PIP4K2A: variants seen among roughly 807,000 people sequenced by gnomAD.
The protein encoded by PIP4K2A is phosphatidylinositol 5-phosphate 4-kinase type-2 alpha.
Under a neutral mutation model 42.9 loss-of-function variants are expected in PIP4K2A, and 14 were observed. The observed-to-expected ratio is 0.33, with a 90% confidence interval of 0.22 to 0.51. The LOEUF is 0.51. Ranked by LOEUF, PIP4K2A falls within the 20% of genes least tolerant of loss-of-function variation. PIP4K2A has a pLI of 0.97. For synonymous variants in PIP4K2A, 192 were observed against 192.2 expected (o/e 1.00, Z 0.01); for missense variants, 434 against 519.8 (o/e 0.83, Z 1.61).
chr10:22,685,764 G>A (rs760928293), intron 1 of PIP4K2A, among the ~76,000 whole-genome samples: 31 of 152,022 alleles, frequency 2.0e-4, no homozygotes, highest in Non-Finnish European at 3.7e-4. Context: ...CGGCGGGGCA[G>A]GGAGGGAGAA....
rs531477426 is a variant in PIP4K2A, at chr10:22,581,565, T to TA, written c.493-8109dup. Reference sequence around the variant, plus strand: ...GGGCAACACAGGGAGATCCTATCTCTAAAAAAAAAAAAAAAAAAAAAAAAA... The same window carrying TA: ...GGGCAACACAGGGAGATCCTATCTCTAAAAAAAAAAAAAAAAAAAAAAAAAA... On this transcript the variant is annotated intron_variant, in intron 4 of 9. Coordinates refer to ENST00000376573, the MANE Select transcript of PIP4K2A (RefSeq NM_005028.5). 3.9e-3 allele frequency among the ~76,000 whole-genome samples: 303 copies of TA among 78,666 alleles called. 1 individual carries two copies. Among genetic ancestry groups the TA allele is most frequent in the African/African-American group, 7.7e-3 (138 of 18,000 alleles). The allele number at this position is 78,666 out of a possible 152,430, so 51.6% of individuals were successfully genotyped here.
chr10:22,705,814 T>C (rs920205899), intron 1 of PIP4K2A, among the ~76,000 whole-genome samples: 3 of 151,902 alleles, frequency 2.0e-5, no homozygotes, highest in South Asian at 2.1e-4. Context: ...CAGCTGCATA[T>C]GCCTTTCCCC....
intron 3 of PIP4K2A, among the ~76,000 whole-genome samples, chr10:22,604,336 C>T (rs975255883): frequency 6.6e-6 from 1 of 152,024 alleles, no homozygotes; most frequent in African/African-American, 2.4e-5. Flanking sequence ...AGAGTGGTCT[C>T]CACAGACCAA....
In PIP4K2A at chr10:22,675,587, C is replaced by T. The variant is rs536410922; in HGVS notation, c.144+38596G>A. Among the ~76,000 whole-genome samples the T allele has an allele frequency of 3.9e-5, 6 of 152,222 alleles. No homozygotes were observed. The East Asian group carries it at 1.2e-3, about 29-fold the overall frequency. ...CGTGAGCAACAGAGTGAGACTCCGT[C>T]TCAAAAAACAAACAAACAAAAACAC... On this transcript the variant is annotated intron_variant, in intron 1 of 9. Transcript: ENST00000376573.
intron 6 of PIP4K2A, among the ~76,000 whole-genome samples, chr10:22,562,894 C>A (rs1370677636): frequency 6.6e-6 from 1 of 152,050 alleles, no homozygotes; most frequent in Non-Finnish European, 1.5e-5. Context: ...AATGCCTCCT[C>A]TCTCTCTAGT....
chr10:22,645,471 G>C (rs532292193), intron 1 of PIP4K2A, among the ~76,000 whole-genome samples: 1 of 151,536 alleles, frequency 6.6e-6, no homozygotes, highest in Non-Finnish European at 1.5e-5. Flanking sequence ...ACTTGAGCCT[G>C]GGAGTTTCAG....
Position 22,714,089 on chromosome 10 carries a change from C to A in PIP4K2A, c.144+94G>T, listed in dbSNP as rs986103574. Reference sequence around the variant, plus strand: ...CGGAGGTCCAGGGCTGACTCCGGCTCCCCGCCCCGCAGCAGCTGCAGCCGG... The same window carrying A: ...CGGAGGTCCAGGGCTGACTCCGGCTACCCGCCCCGCAGCAGCTGCAGCCGG... On this transcript the variant is annotated intron_variant, in intron 1 of 9. Coordinates refer to ENST00000376573, the MANE Select transcript of PIP4K2A (RefSeq NM_005028.5). 2.3e-6 allele frequency: 3 copies of A among 1,319,888 alleles called. No homozygotes were observed. The East Asian group carries it at 8.0e-5, about 35-fold the overall frequency. The allele number at this position is 1,319,888 out of a possible 1,614,324, so 81.8% of individuals were successfully genotyped here.
At chr10:22,653,910 T>C (rs988314506) in intron 1 of PIP4K2A, among the ~76,000 whole-genome samples, 1 of 152,034 alleles carries the variant, frequency 6.6e-6, no homozygotes, top group African/African-American at 2.4e-5. Context: ...TAGTGGAGAT[T>C]TGGGAAAGGT....
At chr10:22,695,903 T>C (rs1477575968) in intron 1 of PIP4K2A, among the ~76,000 whole-genome samples, 2 of 152,172 alleles carry the variant, frequency 1.3e-5, no homozygotes. Flanking sequence ...TTCAGAAGCC[T>C]TGGATACAGA....
intron 1 of PIP4K2A, among the ~76,000 whole-genome samples, chr10:22,662,987 G>C (rs952524352): frequency 6.6e-6 from 1 of 152,196 alleles, no homozygotes; most frequent in Non-Finnish European, 1.5e-5. Flanking sequence ...GGAGAAAGAG[G>C]AGGCAACTGA....
At chr10:22,666,478 G>C (rs1457888009) in intron 1 of PIP4K2A, among the ~76,000 whole-genome samples, 1 of 152,286 alleles carries the variant, frequency 6.6e-6, no homozygotes, top group East Asian at 1.9e-4. Context: ...TAGGAAGCCT[G>C]TTTTGAAAAA....
intron 7 of PIP4K2A, among the ~76,000 whole-genome samples, chr10:22,545,190 C>T (rs566196085): frequency 3.3e-5 from 5 of 152,342 alleles, no homozygotes; most frequent in African/African-American, 9.6e-5. Flanking sequence ...CTGCTTCCAG[C>T]AGGAAGTAAC....
At chr10:22,642,816 T>A (rs2130795704) in intron 1 of PIP4K2A, among the ~76,000 whole-genome samples, 1 of 152,210 alleles carries the variant, frequency 6.6e-6, no homozygotes, top group East Asian at 1.9e-4. Context: ...TCTTGTTCAT[T>A]CTAACCTCCA....
chr10:22,708,554 A>C (rs1038619771), intron 1 of PIP4K2A, among the ~76,000 whole-genome samples: 3 of 151,860 alleles, frequency 2.0e-5, no homozygotes, highest in Admixed American at 2.0e-4. Flanking sequence ...TCCCTTTCCA[A>C]CCTACAATTT....
intron 1 of PIP4K2A, among the ~76,000 whole-genome samples, chr10:22,611,928 T>G (rs886428024): frequency 5.9e-5 from 9 of 152,228 alleles, no homozygotes; most frequent in African/African-American, 2.2e-4. Flanking sequence ...GCGCGTGATG[T>G]GTTCAGCAGA....
intron 1 of PIP4K2A, among the ~76,000 whole-genome samples, chr10:22,639,523 GA>G (rs939076933): frequency 2.0e-5 from 3 of 151,240 alleles, no homozygotes; most frequent in Non-Finnish European, 2.9e-5. Context: ...AATGAGTGGG[GA>G]AAAAAGTGGG....
At chr10:22,563,844 A>C (rs1836769855) in intron 6 of PIP4K2A, among the ~76,000 whole-genome samples, 2 of 152,184 alleles carry the variant, frequency 1.3e-5, no homozygotes. Context: ...TACATGACAT[A>C]ATTCATGTAC....
intron 7 of PIP4K2A, among the ~76,000 whole-genome samples, chr10:22,543,954 C>T (rs756273076): frequency 2.4e-4 from 37 of 152,256 alleles, no homozygotes; most frequent in Non-Finnish European, 4.1e-4. Flanking sequence ...AGCAGCTGGA[C>T]GAGAGTGCAA....
intron 1 of PIP4K2A, among the ~76,000 whole-genome samples, chr10:22,640,753 A>C (rs899051016): frequency 6.6e-6 from 1 of 152,214 alleles, no homozygotes; most frequent in East Asian, 1.9e-4. Flanking sequence ...TTGCTTAAAC[A>C]TGGCTCAGTT....
Sources: gnomAD v4.1 joint callset for allele counts (sites outside exome capture counted in the v4.1 genomes callset) on GRCh38, gnomAD v4.1.1 for gene constraint, MANE v1.5 for transcripts, NCBI Gene and HGNC (gene_info 2026-07-23, HGNC 2026-07-21) for gene names.